The following DDAH1 variants were observed in gnomAD, a reference collection of about 807,000 sequenced individuals.
The protein encoded by DDAH1 is dimethylarginine dimethylaminohydrolase 1.
Under a neutral mutation model 28.8 loss-of-function variants are expected in DDAH1, and 19 were observed. The observed-to-expected ratio is 0.66, with a 90% CI of 0.46 to 0.97. The LOEUF (loss-of-function observed/expected upper bound fraction) is 0.97. Ranked by LOEUF, DDAH1 falls within the 50% of genes least tolerant of loss-of-function variation. The pLI, the probability that DDAH1 is intolerant of heterozygous loss-of-function variation, is 0.00. For missense variants in DDAH1, 326 were observed against 375.9 expected, an observed-to-expected ratio of 0.87 and a Z score of 1.10; for synonymous variants, 153 against 154.4, an observed-to-expected ratio of 0.99 and a Z score of 0.07.
At chr1:85,386,399 C>T (rs1435745671) in intron 1 of DDAH1, among the ~76,000 whole-genome samples, 2 of 152,336 alleles carry the variant, frequency 1.3e-5, no homozygotes, top group East Asian at 1.9e-4. Flanking sequence ...AATGGGGTAA[C>T]AAGCCCCATG....
At chr1:85,333,124 A>T (rs1480092203) in intron 4 of DDAH1, among the ~76,000 whole-genome samples, 1 of 152,208 alleles carries the variant, frequency 6.6e-6, no homozygotes, top group Admixed American at 6.5e-5. Flanking sequence ...GGGCCTGAGG[A>T]CTGGCCCACC....
intron 1 of DDAH1, among the ~76,000 whole-genome samples, chr1:85,362,749 C>G (rs1649859108): frequency 1.3e-5 from 2 of 152,118 alleles, no homozygotes; most frequent in Admixed American, 1.3e-4. Context: ...TAGCTCAGTG[C>G]CTGGCATATT....
intron 1 of DDAH1, among the ~76,000 whole-genome samples, chr1:85,510,575 A>C (rs1171712015): frequency 6.6e-6 from 1 of 152,196 alleles, no homozygotes; most frequent in Non-Finnish European, 1.5e-5. Context: ...AAGAGTCAAG[A>C]CCCATCAGGG....
At chr1:85,364,452 A>C (rs934541140) in intron 1 of DDAH1, among the ~76,000 whole-genome samples, 9 of 152,200 alleles carry the variant, frequency 5.9e-5, no homozygotes, top group African/African-American at 1.9e-4. Context: ...CTGTTTCACC[A>C]AGAAAAACCT....
At chr1:85,424,068 C>T (rs1653275643) in intron 1 of DDAH1, among the ~76,000 whole-genome samples, 2 of 152,156 alleles carry the variant, frequency 1.3e-5, no homozygotes, top group Non-Finnish European at 2.9e-5. Context: ...ATAAATGTCA[C>T]TTGTTCATTG....
At chr1:85,388,134 T>A (rs1281118506) in intron 1 of DDAH1, among the ~76,000 whole-genome samples, 2 of 152,060 alleles carry the variant, frequency 1.3e-5, no homozygotes, top group African/African-American at 4.8e-5. Context: ...AATTTCAACA[T>A]GAGATCTGGA....
intron 1 of DDAH1, among the ~76,000 whole-genome samples, chr1:85,539,913 G>C (rs1385225732): frequency 6.6e-6 from 1 of 150,710 alleles, no homozygotes; most frequent in Non-Finnish European, 1.5e-5. Context: ...TATGTGACCA[G>C]TGCTTTACAT....
Position 85,319,182 on chromosome 1 carries a change from C to A in DDAH1, c.*2270G>T, listed in dbSNP as rs1048107393. 1 of 152,068 alleles carries A rather than the reference C, an allele frequency of 6.6e-6. No homozygotes were observed. The highest frequency in any genetic ancestry group is 2.4e-5 in the African/African-American group (1 of 41,412). The allele number at this position is 152,068 out of a possible 1,614,324, so 9.4% of individuals were successfully genotyped here. A position where few individuals can be genotyped will look rare whatever the true frequency, so the allele number is the denominator to read the frequency against. ...CAAGTAATTTAGGTTTTCACATCAT[C>A]AATCATATAGGGAGTCCAAAGAAGC... On this transcript the variant is annotated 3_prime_UTR_variant, in exon 6 of 6. Coordinates refer to ENST00000284031, the MANE Select transcript of DDAH1 (RefSeq NM_012137.4).
At chr1:85,389,637 C>T (rs1651446322) in intron 1 of DDAH1, among the ~76,000 whole-genome samples, 1 of 152,146 alleles carries the variant, frequency 6.6e-6, no homozygotes, top group African/African-American at 2.4e-5. Flanking sequence ...GGCTATATAA[C>T]CATGTAATGT....
At chr1:85,338,858 G>A (rs576733978) in intron 4 of DDAH1, among the ~76,000 whole-genome samples, 2 of 149,982 alleles carry the variant, frequency 1.3e-5, no homozygotes, top group East Asian at 3.9e-4. Flanking sequence ...TGGCCAACAT[G>A]GTAAACCCCA....
chr1:85,435,688 G>C (rs919158812), intron 1 of DDAH1, among the ~76,000 whole-genome samples: 4 of 152,216 alleles, frequency 2.6e-5, no homozygotes, highest in African/African-American at 9.6e-5. Flanking sequence ...CTTGAAGGAA[G>C]TGAGAGAGCC....
At chr1:85,385,378 C>A (rs1437712055) in intron 1 of DDAH1, among the ~76,000 whole-genome samples, 1 of 152,192 alleles carries the variant, frequency 6.6e-6, no homozygotes, top group African/African-American at 2.4e-5. Flanking sequence ...TAGTAAAATA[C>A]ATACTAAATT....
rs1231942648 is a variant in DDAH1 at position 85,509,982 on chromosome 1, G to C, written c.-122-13701C>G. 5.3e-5 allele frequency among the ~76,000 whole-genome samples: 8 copies of C among 152,046 alleles called. 1 individual carries two copies. The highest frequency in any genetic ancestry group is 1.9e-4 in the African/African-American group (8 of 41,388). On this transcript the variant is annotated intron_variant, in intron 1 of 6. Transcript: ENST00000426972. ...GGCCAACATTCAAATTCAGGAAATA[G>C]AGAAAACACCACAAAGATACTCCTC...
chr1:85,359,790 G>C (rs233097), intron 1 of DDAH1, among the ~76,000 whole-genome samples: 56,124 of 151,972 alleles, frequency 0.37, 10,470 homozygotes, highest in South Asian at 0.42. Context: ...TCAGGAATTT[G>C]TATGATTCCA....
chr1:85,544,955 C>T (rs1286338714), intron 1 of DDAH1, among the ~76,000 whole-genome samples: 3 of 152,190 alleles, frequency 2.0e-5, no homozygotes, highest in Admixed American at 6.6e-5. Flanking sequence ...CTTCTGTACA[C>T]AGTTATAACT....
intron 1 of DDAH1, among the ~76,000 whole-genome samples, chr1:85,437,576 T>C (rs1348263238): frequency 1.3e-5 from 2 of 152,206 alleles, no homozygotes; most frequent in Non-Finnish European, 2.9e-5. Flanking sequence ...TACTTTATTA[T>C]AAGATTAAAA....
chr1:85,526,884 G>T (rs1296608251), intron 1 of DDAH1, among the ~76,000 whole-genome samples: 1 of 149,720 alleles, frequency 6.7e-6, no homozygotes, highest in Admixed American at 6.7e-5. Context: ...AAGAGAAGGA[G>T]GGAGGGAGAA....
intron 4 of DDAH1, among the ~76,000 whole-genome samples, chr1:85,330,881 T>C (rs1038259600): frequency 6.6e-6 from 1 of 152,184 alleles, no homozygotes; most frequent in East Asian, 1.9e-4. Flanking sequence ...AAAGCTATCA[T>C]TTAAGGCAGG....
At chr1:85,507,801 A>G (rs1657074856) in intron 1 of DDAH1, among the ~76,000 whole-genome samples, 1 of 152,128 alleles carries the variant, frequency 6.6e-6, no homozygotes, top group Non-Finnish European at 1.5e-5. Context: ...CTCCCCACAT[A>G]AAAATGACTT....
Sources: allele counts gnomAD v4.1 joint callset (sites outside exome capture counted in the v4.1 genomes callset), GRCh38; gene constraint gnomAD v4.1.1; transcripts MANE v1.5; gene names NCBI Gene and HGNC (gene_info 2026-07-23, HGNC 2026-07-21).